Variants in FMO5 observed in about 807,000 individuals in gnomAD.
FMO5 encodes the protein flavin-containing monooxygenase 5.
FMO5 carries 51 observed loss-of-function variants against 43.6 expected under a neutral mutation model. The observed-to-expected ratio is 1.17, with a 90% confidence interval of 0.93 to 1.48. FMO5 has a LOEUF of 1.48. Ranked by LOEUF, FMO5 falls within the 40% of genes most tolerant of loss-of-function variation. FMO5 has a pLI of 0.00. For missense variants in FMO5, 644 were observed against 643.0 expected (o/e 1.00, Z -0.02); for synonymous variants, 187 against 216.5 (o/e 0.86, Z 1.20).
chr1:147,221,394 C>T (rs1379067276), intron 2 of FMO5, among the ~76,000 whole-genome samples: 9 of 152,022 alleles, frequency 5.9e-5, no homozygotes, highest in Non-Finnish European at 1.3e-4. Context: ...GTATTATCTT[C>T]CTAATAAATT....
chr1:147,206,245 A>T (rs1660027057), intron 6 of FMO5, among the ~76,000 whole-genome samples: 1 of 151,512 alleles, frequency 6.6e-6, no homozygotes, highest in Non-Finnish European at 1.5e-5. Flanking sequence ...TAGAATGGCG[A>T]TCATTAAAAA....
intron 2 of FMO5, chr1:147,224,175 C>T (rs1663588186): frequency 7.4e-6 from 2 of 270,784 alleles, no homozygotes; most frequent in Non-Finnish European, 1.5e-5. Context: ...CACAGGTTCA[C>T]TAGGAAGACA....
At chr1:147,209,454 A>AAAG (rs1470399303) in intron 5 of FMO5, among the ~76,000 whole-genome samples, 1 of 151,184 alleles carries the variant, frequency 6.6e-6, no homozygotes, top group Admixed American at 6.6e-5. Context: ...AAAAAAAAAA[A>AAAG]GAGTTCAAAC....
chr1:147,203,552 CAG>C, intron 6 of FMO5: 1 of 961,094 alleles, frequency 1.0e-6, no homozygotes, highest in Non-Finnish European at 1.7e-6. Flanking sequence ...GCCTTAACTC[CAG>C]AGTTTTCTCC....
chr1:147,225,156 A>G (rs766587459), intron 1 of FMO5, 90 bp from the exon 2 acceptor site: 2 of 1,543,614 alleles, frequency 1.3e-6, no homozygotes, highest in Middle Eastern at 1.7e-4. Flanking sequence ...TAAATTCTGT[A>G]CAAGAGGTGT....
At chr1:147,217,922 T>C (rs587683801) in intron 2 of FMO5, among the ~76,000 whole-genome samples, 109 of 152,256 alleles carry the variant, frequency 7.2e-4, no homozygotes, top group Admixed American at 6.3e-3. Flanking sequence ...CCCCACAGCA[T>C]CCACAATGAT....
At position 147,190,161 on chromosome 1, in the gene FMO5, T is replaced by C. The variant is rs1357485477; in HGVS notation, c.1256+16A>G. 1.9e-6 allele frequency: 3 copies of C among 1,551,144 alleles called. No homozygotes were observed. The highest frequency in any genetic ancestry group is 2.7e-5 in the African/African-American group (2 of 73,404). On this transcript the variant is annotated intron_variant, in intron 8 of 8. Coordinates refer to ENST00000254090, the MANE Select transcript of FMO5 (RefSeq NM_001461.4). Reference sequence around the variant, plus strand: ...GTAGAAATGTAACCATATATCTTCCTGGGAGAGTTTCTTACCTTTTGTCAA... The same window carrying C: ...GTAGAAATGTAACCATATATCTTCCCGGGAGAGTTTCTTACCTTTTGTCAA...
In FMO5 at chr1:147,225,292, T is replaced by C. The variant is rs1291845175; in HGVS notation, c.-43A>G. 6 of 756,394 alleles carry C rather than the reference T, an allele frequency of 7.9e-6. No individual in the cohort carries two copies. The highest frequency in any genetic ancestry group is 4.3e-4 in the Middle Eastern group (1 of 2,310). 46.9% of individuals were successfully genotyped at this position (756,394 alleles called of 1,614,324 possible). A position where few individuals can be genotyped will look rare whatever the true frequency, so the allele number is the denominator to read the frequency against. Reference sequence around the variant, plus strand: ...GCTGCGGTACCGGATCTCACCGCCTTTCCTGAAGCGCTCAACAGATCCTTC... The same window carrying C: ...GCTGCGGTACCGGATCTCACCGCCTCTCCTGAAGCGCTCAACAGATCCTTC... On this transcript the variant is annotated 5_prime_UTR_variant, in exon 1 of 9. Coordinates refer to ENST00000254090, the MANE Select transcript of FMO5 (RefSeq NM_001461.4).
At position 147,218,646 on chromosome 1, in the gene FMO5, A is replaced by G. The variant is rs587711560; in HGVS notation, c.136-2704T>C. On this transcript the variant is annotated intron_variant, in intron 2 of 8. Coordinates refer to ENST00000254090, the MANE Select transcript of FMO5 (RefSeq NM_001461.4). The stretch of plus-strand genomic sequence containing the variant: ...TTTCTCTTGATTCCATATGGAAAAC[A>G]AAATTCCTTATTTTGAAATTTAGCA... 1.3e-3 allele frequency among the ~76,000 whole-genome samples: 191 copies of G among 152,366 alleles called. 2 individuals carry two copies. The South Asian group carries it at 0.016, about 13-fold the overall frequency.
chr1:147,216,059 C>T (rs1255317854), intron 2 of FMO5, 117 bp from the exon 3 acceptor site: 2 of 682,232 alleles, frequency 2.9e-6, no homozygotes, highest in African/African-American at 1.8e-5. Flanking sequence ...ACACACACAC[C>T]TTCCAGTATT....
intron 5 of FMO5, 132 bp downstream of exon 5, chr1:147,212,261 G>C: frequency 1.1e-6 from 1 of 879,948 alleles, no homozygotes; most frequent in South Asian, 1.7e-5. Context: ...ATGAAACGAA[G>C]CCCTATATTT....
chr1:147,191,654 A>T (rs1465525910), intron 7 of FMO5, among the ~76,000 whole-genome samples: 1 of 146,878 alleles, frequency 6.8e-6, no homozygotes, highest in African/African-American at 2.6e-5. Context: ...CTCTGATGGT[A>T]GTTTCTTTAG....
intron 3 of FMO5, among the ~76,000 whole-genome samples, chr1:147,214,076 A>T (rs1160659627): frequency 1.3e-5 from 2 of 152,230 alleles, no homozygotes; most frequent in East Asian, 3.8e-4. Context: ...AAAAATAATA[A>T]ATATGGGTTA....
chr1:147,196,524 A>G (rs1261798232), intron 7 of FMO5, among the ~76,000 whole-genome samples: 1 of 152,014 alleles, frequency 6.6e-6, no homozygotes, highest in African/African-American at 2.4e-5. Flanking sequence ...CTATTACCCT[A>G]TCTGTCTATA....
At chr1:147,199,939 C>T (rs1034874108) in intron 7 of FMO5, among the ~76,000 whole-genome samples, 2 of 152,094 alleles carry the variant, frequency 1.3e-5, no homozygotes, top group Non-Finnish European at 2.9e-5. Context: ...GTAACAATAG[C>T]AAATTTTGTT....
rs1260412258 is a variant in FMO5 at position 147,186,384 on chromosome 1, G to A, written c.*516C>T. On this transcript the variant is annotated 3_prime_UTR_variant, in exon 9 of 9. Coordinates refer to ENST00000254090, the MANE Select transcript of FMO5 (RefSeq NM_001461.4). ...AACAAAATGTCTTAAGCATCTATAT[G>A]TCTTATCTTAGATACATACAACTAT... The A allele has an allele frequency of 1.1e-6, 1 of 900,138 alleles. No individual in the cohort carries two copies. Among genetic ancestry groups the A allele is most frequent in the African/African-American group, 1.8e-5 (1 of 55,354 alleles). The allele number at this position is 900,138 out of a possible 1,614,324, so 55.8% of individuals were successfully genotyped here. A position where few individuals can be genotyped will look rare whatever the true frequency, so the allele number is the denominator to read the frequency against.
intron 7 of FMO5, among the ~76,000 whole-genome samples, chr1:147,196,368 C>T (rs782677750): frequency 1.3e-5 from 2 of 151,994 alleles, no homozygotes; most frequent in African/African-American, 2.4e-5. Flanking sequence ...TCAAAATAAG[C>T]GTTTTGAGAG....
chr1:147,198,586 C>T (rs1343520453), intron 7 of FMO5, among the ~76,000 whole-genome samples: 1 of 151,756 alleles, frequency 6.6e-6, no homozygotes, highest in Non-Finnish European at 1.5e-5. Flanking sequence ...TACAGTGACT[C>T]ATGCCTGTAA....
chr1:147,184,725 A>C, downstream of FMO5: 2 of 1,316,024 alleles, frequency 1.5e-6, no homozygotes, highest in Non-Finnish European at 9.8e-7. The surrounding 1 kb of genome is among the most constrained non-coding windows in gnomAD (Gnocchi z 4.4). Flanking sequence ...GTGACTTATT[A>C]CTGTTAGTGT....
Sources: gnomAD v4.1 joint callset for allele counts (sites outside exome capture counted in the v4.1 genomes callset) on GRCh38, gnomAD v4.1.1 for gene constraint, Gnocchi (gnomAD v3.1) non-coding constraint, MANE v1.5 for transcripts, NCBI Gene and HGNC (gene_info 2026-07-23, HGNC 2026-07-21) for gene names.